EFNA5: variants seen among roughly 807,000 people sequenced by gnomAD.
EFNA5 encodes the protein ephrin-A5.
Under a neutral mutation model 22.9 loss-of-function variants are expected in EFNA5, and 5 were observed. That is an observed-to-expected ratio of 0.22 (90% CI 0.11 to 0.46). The LOEUF is 0.46. Ranked by LOEUF, EFNA5 falls within the 20% of genes least tolerant of loss-of-function variation. The pLI is 0.99. For missense variants in EFNA5, 237 were observed against 293.3 expected, an observed-to-expected ratio of 0.81 and a Z score of 1.40; for synonymous variants, 113 against 112.2, an observed-to-expected ratio of 1.01 and a Z score of -0.04.
chr5:107,575,663 A>G (rs1748913266), intron 1 of EFNA5, among the ~76,000 whole-genome samples: 1 of 152,196 alleles, frequency 6.6e-6, no homozygotes, highest in South Asian at 2.1e-4. Flanking sequence ...GCTCAATGAA[A>G]ACAAGTAGCA....
At chr5:107,525,247 G>C (rs1215427425) in intron 1 of EFNA5, among the ~76,000 whole-genome samples, 1 of 151,822 alleles carries the variant, frequency 6.6e-6, no homozygotes, top group Non-Finnish European at 1.5e-5. Context: ...ACAGTTCTTG[G>C]CACATACAGT....
At chr5:107,568,962 T>C (rs968489647) in intron 1 of EFNA5, among the ~76,000 whole-genome samples, 1 of 152,212 alleles carries the variant, frequency 6.6e-6, no homozygotes, top group African/African-American at 2.4e-5. Context: ...CAGCTAAATA[T>C]ATGACTTATA....
chr5:107,643,266 T>C (rs758152553), intron 1 of EFNA5, among the ~76,000 whole-genome samples: 1 of 152,192 alleles, frequency 6.6e-6, no homozygotes, highest in East Asian at 1.9e-4. Flanking sequence ...TGATAAGCAC[T>C]GGACTGTATG....
At chr5:107,621,646 T>G (rs2112529101) in intron 1 of EFNA5, among the ~76,000 whole-genome samples, 1 of 152,330 alleles carries the variant, frequency 6.6e-6, no homozygotes, top group East Asian at 1.9e-4. Flanking sequence ...CAGTTTATTC[T>G]TATGTGTAAA....
chr5:107,413,612 C>T (rs900515102), intron 2 of EFNA5, among the ~76,000 whole-genome samples: 2 of 152,138 alleles, frequency 1.3e-5, no homozygotes, highest in Admixed American at 6.6e-5. Context: ...TGATATCTTG[C>T]CTGTTTTCTA....
chr5:107,458,083 A>G (rs1749740785), intron 1 of EFNA5, among the ~76,000 whole-genome samples: 3 of 152,180 alleles, frequency 2.0e-5, no homozygotes, highest in African/African-American at 7.2e-5. Flanking sequence ...TACGTTGATC[A>G]TATCATATTT....
At chr5:107,580,678 C>T (rs1021001630) in intron 1 of EFNA5, among the ~76,000 whole-genome samples, 7 of 143,720 alleles carry the variant, frequency 4.9e-5, no homozygotes, top group African/African-American at 1.8e-4. Flanking sequence ...AGCCGAGATG[C>T]GCCACTACAC....
intron 2 of EFNA5, among the ~76,000 whole-genome samples, chr5:107,426,686 T>C (rs1344623928): frequency 6.6e-6 from 1 of 152,188 alleles, no homozygotes; most frequent in African/African-American, 2.4e-5. Context: ...TTCTAGACAC[T>C]TCTTCACAAG....
intron 1 of EFNA5, among the ~76,000 whole-genome samples, chr5:107,630,055 CAA>C (rs533897222): frequency 6.6e-5 from 7 of 105,916 alleles, no homozygotes; most frequent in Non-Finnish European, 7.9e-5. Flanking sequence ...GACTCCATCT[CAA>C]AAAAAAAAAA....
intron 1 of EFNA5, among the ~76,000 whole-genome samples, chr5:107,465,995 A>G (rs1361052839): frequency 6.6e-6 from 1 of 152,048 alleles, no homozygotes; most frequent in Non-Finnish European, 1.5e-5. Flanking sequence ...TTCAGCTCTC[A>G]CTCATAGGAG....
chr5:107,584,286 G>T (rs191287022), intron 1 of EFNA5, among the ~76,000 whole-genome samples: 4 of 152,092 alleles, frequency 2.6e-5, no homozygotes, highest in African/African-American at 4.8e-5. Context: ...ATGGTGACTG[G>T]GATCCAGTAT....
intron 1 of EFNA5, among the ~76,000 whole-genome samples, chr5:107,539,921 GC>G (rs1748011648): frequency 6.6e-6 from 1 of 152,170 alleles, no homozygotes; most frequent in South Asian, 2.1e-4. Context: ...TTCGAATGTG[GC>G]TTTTGAAGTC....
At position 107,415,289 on chromosome 5, in the gene EFNA5, G is replaced by A. The variant is rs144721182; in HGVS notation, c.418+11928C>T. ...ACAAATGATTTCAATGTATTTATAT[G>A]ATAAGCCTCAAATCAGTTTACTCTT... On this transcript the variant is annotated intron_variant, in intron 2 of 4. Transcript: ENST00000333274. 3.4e-3 allele frequency among the ~76,000 whole-genome samples: 522 copies of A among 152,182 alleles called. 3 individuals are homozygous for A. The highest frequency in any genetic ancestry group is 0.012 in the African/African-American group (499 of 41,502).
intron 1 of EFNA5, among the ~76,000 whole-genome samples, chr5:107,471,920 T>C (rs1373432080): frequency 1.3e-5 from 2 of 152,254 alleles, no homozygotes; most frequent in African/African-American, 4.8e-5. Context: ...GATTTATCTA[T>C]TGTTTCTTTT....
chr5:107,569,843 A>T (rs1748757749), intron 1 of EFNA5, among the ~76,000 whole-genome samples: 1 of 149,624 alleles, frequency 6.7e-6, no homozygotes, highest in Non-Finnish European at 1.5e-5. Context: ...CCAAAAAAAA[A>T]AAAAAAAAAG....
At chr5:107,635,534 G>T (rs968881949) in intron 1 of EFNA5, among the ~76,000 whole-genome samples, 1 of 152,188 alleles carries the variant, frequency 6.6e-6, no homozygotes, top group African/African-American at 2.4e-5. Context: ...TTTTCAATGT[G>T]TAAGTGCTTC....
chr5:107,439,107 T>C (rs1448850419), intron 1 of EFNA5, among the ~76,000 whole-genome samples: 1 of 152,198 alleles, frequency 6.6e-6, no homozygotes, highest in Non-Finnish European at 1.5e-5. Context: ...ACCCACAATG[T>C]GATTGCATTT....
intron 1 of EFNA5, among the ~76,000 whole-genome samples, chr5:107,530,928 T>G (rs2112451670): frequency 6.6e-6 from 1 of 152,338 alleles, no homozygotes; most frequent in Middle Eastern, 3.4e-3. Flanking sequence ...TATCCAAGTA[T>G]ATCATTATTT....
At chr5:107,543,983 G>A (rs2112462518) in intron 1 of EFNA5, among the ~76,000 whole-genome samples, 1 of 152,318 alleles carries the variant, frequency 6.6e-6, no homozygotes, top group African/African-American at 2.4e-5. Context: ...AAATCAGGGT[G>A]TAGTGTGTTC....
Sources: gnomAD v4.1 joint callset for allele counts (sites outside exome capture counted in the v4.1 genomes callset) on GRCh38, gnomAD v4.1.1 for gene constraint, MANE v1.5 for transcripts, NCBI Gene and HGNC (gene_info 2026-07-23, HGNC 2026-07-21) for gene names.